CADPS2: variants seen among roughly 807,000 people sequenced by gnomAD.
CADPS2 encodes calcium-dependent secretion activator 2.
A neutral mutation model predicts 172.5 loss-of-function variants in CADPS2; 93 were observed. That is an observed-to-expected ratio of 0.54 (90% confidence interval 0.46 to 0.64). The LOEUF is 0.64. Among genes scored for constraint, CADPS2 ranks in the 30% least tolerant of loss-of-function variants. CADPS2 has a pLI of 0.00. For synonymous variants in CADPS2, 546 were observed against 555.2 expected (o/e 0.98, Z 0.23); for missense variants, 1,420 against 1,565.9 (o/e 0.91, Z 1.57).
chr7:122,522,705 T>G (rs2060902550), intron 8 of CADPS2, among the ~76,000 whole-genome samples: 1 of 151,978 alleles, frequency 6.6e-6, no homozygotes, highest in South Asian at 2.1e-4. Context: ...CAACCTCTCT[T>G]CAGCCCCATC....
intron 2 of CADPS2, chr7:122,698,309 A>G: frequency 6.2e-7 from 1 of 1,614,094 alleles, no homozygotes; most frequent in Non-Finnish European, 8.5e-7. Context: ...AAGATGAAAT[A>G]TGCTAAGGTA....
chr7:122,672,317 C>T (rs945061526), intron 2 of CADPS2, among the ~76,000 whole-genome samples: 3 of 152,164 alleles, frequency 2.0e-5, no homozygotes, highest in African/African-American at 7.2e-5. Flanking sequence ...CGTCGGTGGT[C>T]ACCCTCCAAC....
chr7:122,630,587 T>C (rs188597782), intron 3 of CADPS2, among the ~76,000 whole-genome samples: 102 of 152,232 alleles, frequency 6.7e-4, no homozygotes, highest in African/African-American at 2.1e-3. Context: ...CCTACAACAA[T>C]GGGACTTCCT....
Position 122,742,376 on chromosome 7 carries a change from C to CA in CADPS2, c.340-5309dup, listed in dbSNP as rs1304796574. Among the ~76,000 whole-genome samples the CA allele has an allele frequency of 3.3e-5, 5 of 151,656 alleles. No homozygotes were observed. In the South Asian group the frequency reaches 1.0e-3, roughly 32 times the overall value. ...TGCCACTCCACTCCAGCCTGGGTGA[C>CA]AGAGACTCCATCTCAAAAAAAAAAA... On this transcript the variant is annotated intron_variant, in intron 1 of 29. Transcript: ENST00000449022.
intron 2 of CADPS2, among the ~76,000 whole-genome samples, chr7:122,724,405 T>C (rs2090862408): frequency 6.6e-6 from 1 of 152,048 alleles, no homozygotes; most frequent in Admixed American, 6.6e-5. Context: ...AGCCATGGTA[T>C]CCTGCTCTGA....
At chr7:122,812,519 G>A (rs1800272814) in intron 1 of CADPS2, among the ~76,000 whole-genome samples, 1 of 151,964 alleles carries the variant, frequency 6.6e-6, no homozygotes, top group Non-Finnish European at 1.5e-5. Flanking sequence ...AATTAGGTGG[G>A]AATAACTGTA....
At chr7:122,867,443 C>G (rs1818598473) in intron 1 of CADPS2, among the ~76,000 whole-genome samples, 1 of 152,160 alleles carries the variant, frequency 6.6e-6, no homozygotes, top group Non-Finnish European at 1.5e-5. Context: ...TAACTCCACC[C>G]TGAGCACCCA....
At chr7:122,593,882 CT>C (rs2071308147) in intron 6 of CADPS2, among the ~76,000 whole-genome samples, 1 of 151,890 alleles carries the variant, frequency 6.6e-6, no homozygotes, top group Admixed American at 6.6e-5. Flanking sequence ...GAAAGGTCAA[CT>C]TACAATAGGC....
At chr7:122,387,230 T>C in intron 23 of CADPS2, 57 bp from the exon 24 acceptor site, 1 of 1,507,926 alleles carries the variant, frequency 6.6e-7, no homozygotes, top group South Asian at 1.3e-5. Context: ...CTCACCTGTT[T>C]TGTAAAAAGT....
At chr7:122,450,255 A>G (rs1194506129) in intron 15 of CADPS2, among the ~76,000 whole-genome samples, 1 of 152,158 alleles carries the variant, frequency 6.6e-6, no homozygotes, top group South Asian at 2.1e-4. Flanking sequence ...TAAGTGCAAA[A>G]TAAGAGCATA....
intron 1 of CADPS2, among the ~76,000 whole-genome samples, chr7:122,851,652 G>A (rs568914018): frequency 2.1e-4 from 32 of 152,234 alleles, no homozygotes; most frequent in Admixed American, 4.6e-4. Flanking sequence ...CAATCATGGC[G>A]GAAGAGGAAG....
At chr7:122,820,505 C>T (rs1192106118) in intron 1 of CADPS2, among the ~76,000 whole-genome samples, 1 of 147,864 alleles carries the variant, frequency 6.8e-6, no homozygotes, top group African/African-American at 2.5e-5. Flanking sequence ...CAGGACCACA[C>T]CCTGTAGCCT....
chr7:122,808,677 G>A (rs945587653), intron 1 of CADPS2, among the ~76,000 whole-genome samples: 1 of 152,130 alleles, frequency 6.6e-6, no homozygotes, highest in Non-Finnish European at 1.5e-5. Flanking sequence ...GTACCCTTAT[G>A]GCTTTTTCTG....
intron 1 of CADPS2, among the ~76,000 whole-genome samples, chr7:122,879,504 T>C (rs1428344474): frequency 1.3e-5 from 2 of 151,490 alleles, no homozygotes; most frequent in Non-Finnish European, 2.9e-5. Context: ...CACTGCACTC[T>C]AGCCTGGGCA....
chr7:122,472,747 A>C (rs544225958), intron 13 of CADPS2, among the ~76,000 whole-genome samples: 2 of 152,310 alleles, frequency 1.3e-5, no homozygotes, highest in African/African-American at 4.8e-5. Context: ...TTGAGATGAT[A>C]TATTTTACTC....
chr7:122,834,372 G>C (rs1214608376), intron 1 of CADPS2, among the ~76,000 whole-genome samples: 3 of 152,130 alleles, frequency 2.0e-5, no homozygotes, highest in Non-Finnish European at 2.9e-5. Context: ...TGAGCGACAC[G>C]GGTAATTTCT....
At chr7:122,717,977 ATTTTTTTTTTTTTTTTTTTT>A (rs36154725) in intron 2 of CADPS2, among the ~76,000 whole-genome samples, 1 of 87,174 alleles carries the variant, frequency 1.1e-5, no homozygotes, top group Non-Finnish European at 2.1e-5. Flanking sequence ...CACTCGGCTA[ATTTTTTTTTTTTTTTTTTTT>A]TTTTTTTTTT....
chr7:122,751,756 A>G (rs1245408725), intron 1 of CADPS2, among the ~76,000 whole-genome samples: 1 of 152,098 alleles, frequency 6.6e-6, no homozygotes, highest in Non-Finnish European at 1.5e-5. Context: ...CAAAGAGAAA[A>G]CCTACACAAT....
chr7:122,410,331 G>C (rs2047149381), intron 19 of CADPS2, among the ~76,000 whole-genome samples: 1 of 151,634 alleles, frequency 6.6e-6, no homozygotes, highest in Non-Finnish European at 1.5e-5. Context: ...GTGACAGAGC[G>C]AGACACTGTC....
Sources: gnomAD v4.1 joint callset for allele counts (sites outside exome capture counted in the v4.1 genomes callset) on GRCh38, gnomAD v4.1.1 for gene constraint, MANE v1.5 for transcripts, NCBI Gene and HGNC (gene_info 2026-07-23, HGNC 2026-07-21) for gene names.